Variants in IGFL4 observed in about 807,000 individuals in gnomAD.
The protein encoded by IGFL4 is insulin growth factor-like family member 4.
In IGFL4, 12 loss-of-function variants were observed where a neutral mutation model predicts 15.4. The ratio of observed to expected loss-of-function variants is 0.78; its 90% CI spans 0.50 to 1.26. The LOEUF is 1.26. Ranked by LOEUF, IGFL4 falls within the 50% of genes most tolerant of loss-of-function variation. IGFL4 has a pLI of 0.00. For synonymous variants in IGFL4, 54 were observed against 55.9 expected (o/e 0.97, Z 0.16); for missense variants, 126 against 147.8 (o/e 0.85, Z 0.76).
At chr19:46,062,172 T>C (rs2146523771) in intron 1 of IGFL4, among the ~76,000 whole-genome samples, 1 of 152,328 alleles carries the variant, frequency 6.6e-6, no homozygotes, top group Middle Eastern at 3.4e-3. Flanking sequence ...AAATTTCTTA[T>C]TACCCAACTT....
chr19:46,043,820 T>C (rs546070364), upstream of IGFL4, among the ~76,000 whole-genome samples: 25 of 152,258 alleles, frequency 1.6e-4, no homozygotes, highest in African/African-American at 5.8e-4. Context: ...AGTTAAACTA[T>C]ACATTTTCTA....
Position 46,040,626 on chromosome 19 carries a change from G to C in IGFL4, c.20-58C>G, listed in dbSNP as rs1467761044. On this transcript the variant is annotated intron_variant, in intron 1 of 3. Coordinates refer to ENST00000377697, the MANE Select transcript of IGFL4 (RefSeq NM_001002923.3). This position sits in a 1 kb window ranked among gnomAD's most constrained non-coding sequence, Gnocchi z 4.1. ...GAGGTCACTAGGTCTTGACCACGGG[G>C]CACAGGATGATGTCTCTGAGCTTCT... is the stretch of plus-strand genomic sequence containing the variant. 3 of 1,567,182 alleles carry C rather than the reference G, an allele frequency of 1.9e-6. No homozygotes were observed. Among genetic ancestry groups the C allele is most frequent in the African/African-American group, 2.7e-5 (2 of 73,934 alleles).
chr19:46,056,778 G>A (rs1969397059), intron 2 of IGFL4, among the ~76,000 whole-genome samples: 1 of 152,210 alleles, frequency 6.6e-6, no homozygotes, highest in Non-Finnish European at 1.5e-5. Flanking sequence ...AGCCACAGAA[G>A]ACAGAAATGG....
intron 2 of IGFL4, among the ~76,000 whole-genome samples, chr19:46,051,627 C>T (rs1002276293): frequency 6.6e-6 from 1 of 152,118 alleles, no homozygotes; most frequent in African/African-American, 2.4e-5. Context: ...AATAGTACCT[C>T]ACATCTCAAT....
intron 1 of IGFL4, among the ~76,000 whole-genome samples, chr19:46,061,078 C>T (rs1969440668): frequency 6.6e-6 from 1 of 152,192 alleles, no homozygotes; most frequent in Admixed American, 6.5e-5. Flanking sequence ...CTTTAGCCAA[C>T]ATGTTCATAC....
At chr19:46,053,055 C>A (rs1409636649) in intron 2 of IGFL4, among the ~76,000 whole-genome samples, 1 of 151,594 alleles carries the variant, frequency 6.6e-6, no homozygotes, top group Non-Finnish European at 1.5e-5. Flanking sequence ...TGTTTCTGTA[C>A]CCTTTATGCA....
At position 46,040,777 on chromosome 19, in the gene IGFL4, C is replaced by T; in HGVS notation, c.19+167G>A. The T allele has an allele frequency of 1.1e-6, 1 of 939,090 alleles. No individual in the cohort carries two copies. Among genetic ancestry groups the T allele is most frequent in the Non-Finnish European group, 1.7e-6 (1 of 598,952 alleles). 58.2% of individuals were successfully genotyped at this position (939,090 alleles called of 1,614,324 possible). ...GGAAAAGTTAAGCTTCTGGAATTTG[C>T]AGTTCAGGAGACAGATTACAATGCA... On this transcript the variant is annotated intron_variant, in intron 1 of 3. Coordinates refer to ENST00000377697, the MANE Select transcript of IGFL4 (RefSeq NM_001002923.3). This position sits in a 1 kb window ranked among gnomAD's most constrained non-coding sequence, Gnocchi z 4.1.
Position 46,071,485 on chromosome 19 carries a change from T to A in IGFL4, c.-432+5535A>T, listed in dbSNP as rs935732660. ...ACATAAACACACGAATAAATGGGTG[T>A]GGTCCTGGAACCAAATAAATAATCT... is the stretch of plus-strand genomic sequence containing the variant. On this transcript the variant is annotated intron_variant, in intron 1 of 5. Coordinates refer to the IGFL4 transcript ENST00000601672. Among the ~76,000 whole-genome samples, 19 of 152,188 alleles carry A rather than the reference T, an allele frequency of 1.2e-4. 1 individual carries two copies. The highest frequency in any genetic ancestry group is 8.8e-5 in the Non-Finnish European group (6 of 68,040).
chr19:46,049,202 C>A (rs1969323625), intron 2 of IGFL4, among the ~76,000 whole-genome samples: 1 of 152,304 alleles, frequency 6.6e-6, no homozygotes, highest in East Asian at 1.9e-4. Flanking sequence ...CATGTGGAGA[C>A]CCACATCATG....
upstream of IGFL4, among the ~76,000 whole-genome samples, chr19:46,042,907 C>T (rs1969260220): frequency 6.6e-6 from 1 of 152,218 alleles, no homozygotes; most frequent in Non-Finnish European, 1.5e-5. Context: ...AGCAGCTTCC[C>T]ACAAGCCTCC....
At position 46,051,939 on chromosome 19, in the gene IGFL4, T is replaced by C. The variant is rs559782296; in HGVS notation, c.-323+8246A>G. 2.0e-5 allele frequency among the ~76,000 whole-genome samples: 3 copies of C among 152,216 alleles called. No individual in the cohort carries two copies. The South Asian group carries it at 6.2e-4, about 32-fold the overall frequency. On this transcript the variant is annotated intron_variant, in intron 2 of 5. Transcript: ENST00000601672. The stretch of plus-strand genomic sequence containing the variant: ...AACTAGTCTAACAAAAAAATCACAG[T>C]TCTAAATATACATGCACCTAACACT...
chr19:46,046,798 A>C (rs1311378942), intron 2 of IGFL4, among the ~76,000 whole-genome samples: 1 of 152,252 alleles, frequency 6.6e-6, no homozygotes, highest in Non-Finnish European at 1.5e-5. Context: ...AGACTCCCAC[A>C]CAACAATAGT....
At chr19:46,060,752 T>A (rs1476980804) in intron 1 of IGFL4, among the ~76,000 whole-genome samples, 1 of 152,178 alleles carries the variant, frequency 6.6e-6, no homozygotes, top group Non-Finnish European at 1.5e-5. Context: ...CAATACATAT[T>A]TACACAAATA....
intron 2 of IGFL4, among the ~76,000 whole-genome samples, chr19:46,046,785 T>C (rs190777634): frequency 1.7e-3 from 263 of 152,316 alleles, no homozygotes; most frequent in Non-Finnish European, 2.5e-3. Flanking sequence ...TACAAGAGAC[T>C]TAAGACTCCC....
At chr19:46,065,134 A>G (rs941061581) in intron 1 of IGFL4, among the ~76,000 whole-genome samples, 4 of 152,124 alleles carry the variant, frequency 2.6e-5, no homozygotes, top group African/African-American at 9.7e-5. Flanking sequence ...TCTTTTGATC[A>G]GATTATTATA....
intron 1 of IGFL4, among the ~76,000 whole-genome samples, chr19:46,065,514 G>A (rs1387268498): frequency 6.6e-6 from 1 of 152,168 alleles, no homozygotes. Flanking sequence ...TCAACGTGTT[G>A]GCCAGGCTGG....
intron 1 of IGFL4, among the ~76,000 whole-genome samples, chr19:46,061,766 G>T (rs191520837): frequency 9.7e-4 from 148 of 152,220 alleles, no homozygotes; most frequent in Middle Eastern, 3.4e-3. Flanking sequence ...ATGTCTGGGT[G>T]GGGGGAAAGG....
exon 2 of IGFL4, chr19:46,060,253 AGTTAAGCT>A (rs1461961888): frequency 6.6e-6 from 1 of 152,218 alleles, no homozygotes; most frequent in Non-Finnish European, 1.5e-5. Flanking sequence ...TGTTCACAGG[AGTTAAGCT>A]GTCAGTAGCT....
chr19:46,041,838 T>TCTC (rs1491374132), upstream of IGFL4, among the ~76,000 whole-genome samples: 3 of 24,556 alleles, frequency 1.2e-4, no homozygotes, highest in Non-Finnish European at 9.8e-5. Flanking sequence ...CCTCTCTCTC[T>TCTC]TTTTTTTTTT....
Sources: allele counts gnomAD v4.1 joint callset (sites outside exome capture counted in the v4.1 genomes callset), GRCh38; gene constraint gnomAD v4.1.1; non-coding constraint Gnocchi (gnomAD v3.1); transcripts MANE v1.5; gene names NCBI Gene and HGNC (gene_info 2026-07-23, HGNC 2026-07-21).